TTLL4: variants seen among roughly 807,000 people sequenced by gnomAD.
The protein encoded by TTLL4 is tubulin monoglutamylase TTLL4.
In TTLL4, 85 loss-of-function variants were observed where a neutral mutation model predicts 122.7. The ratio of observed to expected loss-of-function variants is 0.69; its 90% CI spans 0.58 to 0.83. TTLL4 has a LOEUF of 0.83. TTLL4 is among the 40% of genes least tolerant of loss of function. TTLL4 has a pLI of 0.00. For missense variants in TTLL4, 1,363 were observed against 1,488.6 expected (o/e 0.92, Z 1.39); for synonymous variants, 553 against 563.0 (o/e 0.98, Z 0.25).
intron 1 of TTLL4, among the ~76,000 whole-genome samples, chr2:218,712,992 ATGG>A (rs1941757546): frequency 1.3e-5 from 2 of 152,248 alleles, no homozygotes; most frequent in African/African-American, 4.8e-5. Flanking sequence ...TTTTGGGACA[ATGG>A]AATTTTTAAG....
intron 6 of TTLL4, 160 bp downstream of exon 6, chr2:218,745,393 C>G (rs1942814084): frequency 7.7e-6 from 7 of 906,070 alleles, no homozygotes; most frequent in Non-Finnish European, 1.2e-5. Context: ...AGGTCTGATG[C>G]AACCTTTTTC....
intron 2 of TTLL4, 74 bp downstream of exon 2, chr2:218,727,421 C>G (rs1293481707): frequency 2.0e-5 from 3 of 152,086 alleles, no homozygotes; most frequent in East Asian, 3.8e-4. Context: ...TTAAATTTCT[C>G]TGATAAATTT....
Position 218,747,842 on chromosome 2 carries a change from AG to A in TTLL4, c.2378+119del. The A allele has an allele frequency of 6.9e-7, 1 of 1,444,536 alleles. No homozygotes were observed. Among genetic ancestry groups the A allele is most frequent in the Non-Finnish European group, 9.4e-7 (1 of 1,062,130 alleles). The allele number at this position is 1,444,536 out of a possible 1,614,324, so 89.5% of individuals were successfully genotyped here. On this transcript the variant is annotated intron_variant, in intron 11 of 19. Transcript: ENST00000392102. This position sits in a 1 kb window ranked among gnomAD's most constrained non-coding sequence, Gnocchi z 4.7. Reference sequence around the variant, plus strand: ...AGTTTTTGTTAGCAAGGGGAAAGGCAGGAAATGGGAAATATGGAGGCTCTCT... The same window carrying A: ...AGTTTTTGTTAGCAAGGGGAAAGGCAGAAATGGGAAATATGGAGGCTCTCT...
intron 1 of TTLL4, among the ~76,000 whole-genome samples, chr2:218,725,144 C>T (rs1294915117): frequency 3.3e-5 from 5 of 151,810 alleles, no homozygotes; most frequent in East Asian, 1.9e-4. Flanking sequence ...TGGGCTCAAA[C>T]GATCCTCCCA....
chr2:218,741,726 C>CA (rs1559369255), intron 5 of TTLL4, among the ~76,000 whole-genome samples: 1 of 152,128 alleles, frequency 6.6e-6, no homozygotes, highest in Non-Finnish European at 1.5e-5. Context: ...TAAGTACCTC[C>CA]ACTCTTCATA....
intron 1 of TTLL4, among the ~76,000 whole-genome samples, chr2:218,726,942 T>TACA (rs1224977029): frequency 6.6e-6 from 1 of 152,132 alleles, no homozygotes. Context: ...AGCCTGTAGC[T>TACA]GGGATTACAG....
At chr2:218,741,387 G>A (rs938662881) in intron 5 of TTLL4, among the ~76,000 whole-genome samples, 4 of 152,154 alleles carry the variant, frequency 2.6e-5, no homozygotes, top group Non-Finnish European at 4.4e-5. Context: ...ACCCAGAGTC[G>A]GGTTGTTTTT....
downstream of TTLL4, among the ~76,000 whole-genome samples, chr2:218,755,875 G>C (rs1046638023): frequency 2.0e-5 from 3 of 152,162 alleles, no homozygotes; most frequent in African/African-American, 7.2e-5. Context: ...GCCTGATTGG[G>C]TTCAAGGCCA....
At chr2:218,753,067 A>G (rs1326008132) in intron 17 of TTLL4, 48 bp from the exon 18 acceptor site, 2 of 1,613,486 alleles carry the variant, frequency 1.2e-6, no homozygotes, top group Non-Finnish European at 1.7e-6. Context: ...AGAATTGGCC[A>G]ATTGATTCTA....
chr2:218,756,283 T>C (rs545441645), downstream of TTLL4, among the ~76,000 whole-genome samples: 1 of 152,210 alleles, frequency 6.6e-6, no homozygotes, highest in African/African-American at 2.4e-5. Flanking sequence ...ACAACCAATC[T>C]ATTTCCATTG....
At chr2:218,719,688 C>G (rs1941975816) in intron 1 of TTLL4, among the ~76,000 whole-genome samples, 1 of 152,190 alleles carries the variant, frequency 6.6e-6, no homozygotes, top group Admixed American at 6.5e-5. Context: ...TGGCCCTACT[C>G]CACACCAACT....
chr2:218,757,071 C>A (rs1943166587), downstream of TTLL4, among the ~76,000 whole-genome samples: 1 of 152,128 alleles, frequency 6.6e-6, no homozygotes, highest in South Asian at 2.1e-4. Flanking sequence ...GAATATAATA[C>A]CTACAGTGCA....
In TTLL4 at chr2:218,740,556, C is replaced by A. The variant is rs781022354; in HGVS notation, c.1633C>A (p.Pro545Thr). The A allele has an allele frequency of 1.2e-6, 2 of 1,613,994 alleles. No individual in the cohort carries two copies. Among genetic ancestry groups the A allele is most frequent in the African/African-American group, 2.7e-5 (2 of 74,896 alleles). The change falls in exon 5 of 20, where the codon CCC becomes ACC. Residue 545 changes from proline to threonine, a missense_variant. Physicochemically the swap from Pro to Thr is conservative, Grantham distance 38. This residue lies in a region of TTLL4 where 760 missense variants were observed against 808.4 expected (regional missense o/e 0.94). Coordinates refer to ENST00000392102, the MANE Select transcript of TTLL4 (RefSeq NM_014640.5). The stretch of plus-strand genomic sequence containing the variant: ...GTGCTCCTCATTAAGTGCTGTCTCC[C>A]CCAGCGAATCGGTGGCCATGATCTC... ...SECSSLSAVS[P>T]SESVAMISRS...
Position 218,748,194 on chromosome 2 carries a change from A to G in TTLL4, c.2468A>G (p.Asn823Ser), listed in dbSNP as rs536826278. The part of the protein sequence containing the change: ...VNKKNAEYQA[N>S]ADEMACQGHK... Reference sequence around the variant, plus strand: ...AAAAAGAATGCCGAGTACCAGGCCAATGCAGATGAAATGGCTTGCCAGGGC... The same window carrying G: ...AAAAAGAATGCCGAGTACCAGGCCAGTGCAGATGAAATGGCTTGCCAGGGC... Residue 823 changes from asparagine to serine, a missense_variant, in exon 12 of 20, where the codon AAT (asparagine) becomes AGT (serine). Asn to Ser is a conservative substitution (Grantham distance 46). Around this residue, in one of 3 missense-constraint regions of TTLL4, gnomAD observed 596 missense variants for 655.8 expected, o/e 0.91. Coordinates refer to ENST00000392102, the MANE Select transcript of TTLL4 (RefSeq NM_014640.5). 66 of 1,614,080 alleles carry G rather than the reference A, an allele frequency of 4.1e-5. No homozygotes were observed. The highest frequency in any genetic ancestry group is 5.2e-5 in the Non-Finnish European group (61 of 1,180,036).
chr2:218,745,055 T>C, intron 5 of TTLL4, 54 bp from the exon 6 acceptor site: 2 of 1,607,754 alleles, frequency 1.2e-6, no homozygotes, highest in Non-Finnish European at 1.7e-6. Context: ...GTAACGACGC[T>C]TCAGGGCTGT....
At chr2:218,751,650 C>A in intron 15 of TTLL4, 54 bp from the exon 16 acceptor site, 1 of 1,587,884 alleles carries the variant, frequency 6.3e-7, no homozygotes, top group Non-Finnish European at 8.6e-7. Context: ...ATATTTCCTC[C>A]AAATAAGAAG....
At position 218,754,543 on chromosome 2, in the gene TTLL4, T is replaced by C; in HGVS notation, c.*154T>C. ...AGTGGTTGCATTATAGAGATGGGTA[T>C]TTGTAGGGCCGGAGGGATGGTAGTG... On this transcript the variant is annotated 3_prime_UTR_variant, in exon 20 of 20. Coordinates refer to ENST00000392102, the MANE Select transcript of TTLL4 (RefSeq NM_014640.5). The C allele has an allele frequency of 9.9e-7, 1 of 1,009,474 alleles. No individual in the cohort carries two copies. Among genetic ancestry groups the C allele is most frequent in the Non-Finnish European group, 1.4e-6 (1 of 704,948 alleles). The allele number at this position is 1,009,474 out of a possible 1,614,324, so 62.5% of individuals were successfully genotyped here. A position where few individuals can be genotyped will look rare whatever the true frequency, so the allele number is the denominator to read the frequency against.
Position 218,747,090 on chromosome 2 carries a change from A to G in TTLL4, c.2062A>G (p.Lys688Glu), listed in dbSNP as rs765879365. 4 of 1,614,196 alleles carry G rather than the reference A, an allele frequency of 2.5e-6. No individual in the cohort carries two copies. The highest frequency in any genetic ancestry group is 3.4e-6 in the Non-Finnish European group (4 of 1,180,036). Residue 688 changes from lysine (K) to glutamate (E), a missense_variant, in exon 9 of 20, where the codon AAG becomes GAG. By Grantham distance (56) the Lys-to-Glu change is moderately conservative. Around this residue, in one of 3 missense-constraint regions of TTLL4, gnomAD observed 596 missense variants for 655.8 expected, o/e 0.91. Transcript: ENST00000392102. This position sits in a 1 kb window ranked among gnomAD's most constrained non-coding sequence, Gnocchi z 4.7. ...LSRMQSRFGKKEFSFFPQSFI... is the reference protein window; with the variant it reads ...LSRMQSRFGKEEFSFFPQSFI... The stretch of plus-strand genomic sequence containing the variant: ...ACGTATGCAGAGCCGCTTTGGCAAG[A>G]AGGAGTTCAGTTTCTTCCCCCAGTC...
At position 218,751,822 on chromosome 2, in the gene TTLL4, TC is replaced by T. The variant is rs756194246; in HGVS notation, c.2976+22del. The T allele has an allele frequency of 3.8e-6, 6 of 1,599,696 alleles. No individual in the cohort carries two copies. The Admixed American group carries it at 5.1e-5, about 14-fold the overall frequency. Reference sequence around the variant, plus strand: ...TCCTGATCAGGTAGGAGATTGGTCTTCCCCCCAGTGCTAGCAGAAAACTTCC... The same window carrying T: ...TCCTGATCAGGTAGGAGATTGGTCTTCCCCCAGTGCTAGCAGAAAACTTCC... On this transcript the variant is annotated intron_variant, in intron 16 of 19. Coordinates refer to ENST00000392102, the MANE Select transcript of TTLL4 (RefSeq NM_014640.5).
Sources: gnomAD v4.1 joint callset for allele counts (sites outside exome capture counted in the v4.1 genomes callset) on GRCh38, gnomAD v4.1.1 for gene constraint, gnomAD v4.1.1 regional missense constraint, Gnocchi (gnomAD v3.1) non-coding constraint, MANE v1.5 for transcripts, NCBI Gene and HGNC (gene_info 2026-07-23, HGNC 2026-07-21) for gene names.